The following NAV1 variants were observed in gnomAD, a reference collection of about 807,000 sequenced individuals.
NAV1 encodes the protein pore membrane and/or filament interacting like protein 3.
A neutral mutation model predicts 175.2 loss-of-function variants in NAV1; 18 were observed. That is an observed-to-expected ratio of 0.10 (90% CI 0.07 to 0.15). NAV1 has a LOEUF of 0.15. Ranked by LOEUF, NAV1 falls within the 10% of genes least tolerant of loss-of-function variation. NAV1 has a pLI of 1.00. For missense variants in NAV1, 1,731 were observed against 2,436.6 expected, an observed-to-expected ratio of 0.71 and a Z score of 6.10; for synonymous variants, 897 against 978.7, an observed-to-expected ratio of 0.92 and a Z score of 1.56.
chr1:201,619,569 G>A (rs115765956), upstream of NAV1, among the ~76,000 whole-genome samples: 287 of 152,312 alleles, frequency 1.9e-3, no homozygotes, highest in African/African-American at 6.5e-3. Context: ...ACAGCTGCAG[G>A]TAGTACCTGC....
intron 2 of NAV1, among the ~76,000 whole-genome samples, chr1:201,593,816 C>T (rs1457057577): frequency 1.3e-5 from 2 of 152,210 alleles, no homozygotes; most frequent in African/African-American, 4.8e-5. Flanking sequence ...TCCCCACTTT[C>T]AGTACTATCC....
chr1:201,814,778 G>A (rs182933776), intron 28 of NAV1, among the ~76,000 whole-genome samples: 5 of 151,954 alleles, frequency 3.3e-5, no homozygotes, highest in Non-Finnish European at 7.4e-5. Flanking sequence ...GGTGGCTCAC[G>A]CCTGTAATCC....
intron 1 of NAV1, 114 bp downstream of exon 5, chr1:201,649,539 T>C: frequency 2.8e-6 from 4 of 1,420,890 alleles, no homozygotes; most frequent in Non-Finnish European, 3.7e-6. Flanking sequence ...AGGGCCCTCC[T>C]GTTCACGATC....
intron 29 of NAV1, among the ~76,000 whole-genome samples, chr1:201,819,183 A>G: frequency 6.6e-6 from 1 of 152,180 alleles, no homozygotes; most frequent in Non-Finnish European, 1.5e-5. Context: ...AGCATTTCTC[A>G]CATTCCTCCC....
At chr1:201,751,903 AT>A (rs1674130846) in intron 3 of NAV1, among the ~76,000 whole-genome samples, 1 of 152,206 alleles carries the variant, frequency 6.6e-6, no homozygotes, top group African/African-American at 2.4e-5. Context: ...AAGAATTAAG[AT>A]TCCTTTTTCT....
chr1:201,652,916 C>T (rs1203070630), intron 1 of NAV1, among the ~76,000 whole-genome samples: 3 of 152,202 alleles, frequency 2.0e-5, no homozygotes, highest in African/African-American at 7.2e-5. Flanking sequence ...ACAGCTCAGC[C>T]TAGCCTACCT....
At chr1:201,561,401 G>A (rs1262429921) in intron 1 of NAV1, among the ~76,000 whole-genome samples, 2 of 152,198 alleles carry the variant, frequency 1.3e-5, no homozygotes, top group African/African-American at 4.8e-5. Flanking sequence ...GGATGTGGGA[G>A]CTGCACAGAT....
intron 1 of NAV1, among the ~76,000 whole-genome samples, chr1:201,628,801 C>G (rs189896425): frequency 1.8e-3 from 277 of 152,276 alleles, no homozygotes; most frequent in African/African-American, 6.2e-3. Context: ...AGCTGGTGCC[C>G]AGAGACCTCA....
chr1:201,560,607 C>T (rs987610576), intron 1 of NAV1, among the ~76,000 whole-genome samples: 1 of 152,164 alleles, frequency 6.6e-6, no homozygotes, highest in African/African-American at 2.4e-5. Flanking sequence ...GAGCTCTTGC[C>T]CCACAGCAGG....
intron 1 of NAV1, among the ~76,000 whole-genome samples, chr1:201,669,352 G>A (rs1252262604): frequency 6.6e-6 from 1 of 152,146 alleles, no homozygotes; most frequent in East Asian, 1.9e-4. Flanking sequence ...CCAGGGCTCT[G>A]AGGCTGAGCA....
At chr1:201,722,702 G>A (rs184681715) in intron 3 of NAV1, among the ~76,000 whole-genome samples, 259 of 152,208 alleles carry the variant, frequency 1.7e-3, no homozygotes, top group Middle Eastern at 3.4e-3. Context: ...CCACCATACC[G>A]TTTTCCACAA....
At chr1:201,696,907 C>A (rs993748258) in intron 1 of NAV1, among the ~76,000 whole-genome samples, 1 of 152,196 alleles carries the variant, frequency 6.6e-6, no homozygotes, top group African/African-American at 2.4e-5. Context: ...CCATGCCTGG[C>A]GCACACTCGG....
intron 2 of NAV1, among the ~76,000 whole-genome samples, chr1:201,715,714 C>A (rs538763252): frequency 1.3e-5 from 2 of 152,200 alleles, no homozygotes; most frequent in Non-Finnish European, 2.9e-5. Flanking sequence ...AGCTTATGGT[C>A]CAGTGTGTGC....
At chr1:201,698,106 C>T (rs1312705471) in intron 1 of NAV1, among the ~76,000 whole-genome samples, 1 of 152,214 alleles carries the variant, frequency 6.6e-6, no homozygotes, top group Non-Finnish European at 1.5e-5. Context: ...CCAGTCCTTC[C>T]TCTCTTGTGG....
chr1:201,689,923 G>A (rs145542911), intron 1 of NAV1, among the ~76,000 whole-genome samples: 37 of 150,510 alleles, frequency 2.5e-4, no homozygotes, highest in Non-Finnish European at 4.1e-4. Context: ...TGGCCTGTCC[G>A]TGGCAGAGTG....
At chr1:201,768,946 G>A (rs1479675997) in intron 3 of NAV1, among the ~76,000 whole-genome samples, 1 of 152,186 alleles carries the variant, frequency 6.6e-6, no homozygotes, top group East Asian at 1.9e-4. Context: ...TATTAGGAAT[G>A]CATTCTGGTC....
At chr1:201,811,614 G>A (rs921114294) in exon 25 of NAV1, 1 of 1,614,120 alleles carries the variant, frequency 6.2e-7, no homozygotes, top group East Asian at 2.2e-5. Context: ...ATCTGCAACT[G>A]TATCTTTCCA....
At chr1:201,738,123 C>T (rs917707648) in intron 3 of NAV1, among the ~76,000 whole-genome samples, 1 of 151,886 alleles carries the variant, frequency 6.6e-6, no homozygotes. Context: ...CTCTGATTCC[C>T]CCTCAGAGCT....
chr1:201,564,220 A>G (rs993201082), intron 1 of NAV1, among the ~76,000 whole-genome samples: 27 of 151,882 alleles, frequency 1.8e-4, no homozygotes, highest in African/African-American at 6.1e-4. Context: ...CTCATTGTAG[A>G]TGGTCAGTTT....
Sources: gnomAD v4.1 joint callset for allele counts (sites outside exome capture counted in the v4.1 genomes callset) on GRCh38, gnomAD v4.1.1 for gene constraint, MANE v1.5 for transcripts, NCBI Gene and HGNC (gene_info 2026-07-23, HGNC 2026-07-21) for gene names.